Variants in MSN observed in about 807,000 individuals in gnomAD.
The protein encoded by MSN is moesin, also known as epididymis luminal protein 70.
A neutral mutation model predicts 48.0 loss-of-function variants in MSN; 2 were observed. The observed-to-expected ratio is 0.04, with a 90% CI of 0.02 to 0.13. The LOEUF is 0.13. Ranked by LOEUF, MSN falls within the 10% of genes least tolerant of loss-of-function variation. The pLI, the probability that MSN is intolerant of heterozygous loss-of-function variation, is 1.00. For missense variants in MSN, 267 were observed against 470.1 expected, an observed-to-expected ratio of 0.57 and a Z score of 3.99; for synonymous variants, 146 against 166.9, an observed-to-expected ratio of 0.87 and a Z score of 0.97.
At chrX:65,590,759 G>A (rs939712776) in intron 1 of MSN, among the ~76,000 whole-genome samples, 2 of 110,324 alleles carry the variant, frequency 1.8e-5, no homozygotes, top group African/African-American at 6.6e-5. Flanking sequence ...AGTCCAGCTG[G>A]ATTACTTCTC....
intron 2 of MSN, among the ~76,000 whole-genome samples, chrX:65,725,501 A>G (rs912554217): frequency 6.4e-5 from 7 of 109,153 alleles, no homozygotes; most frequent in Non-Finnish European, 1.3e-4. Flanking sequence ...TTCTTCTGCA[A>G]CCCTGTGGAA....
chrX:65,709,519 C>T (rs1278531174), intron 1 of MSN, among the ~76,000 whole-genome samples: 1 of 112,175 alleles, frequency 8.9e-6, no homozygotes, highest in East Asian at 2.8e-4. Context: ...TTAGTAGAGC[C>T]CTTTTACCAG....
intron 1 of MSN, among the ~76,000 whole-genome samples, chrX:65,632,367 C>T (rs1162699858): frequency 8.9e-6 from 1 of 112,103 alleles, no homozygotes; most frequent in Non-Finnish European, 1.9e-5. Flanking sequence ...ACTTTCGAGC[C>T]TCCAGAAAAC....
chrX:65,722,509 G>A lies in MSN; in HGVS notation c.97-5305G>A, dbSNP rs150865515. On this transcript the variant is annotated intron_variant, in intron 2 of 12. Transcript: ENST00000360270. Reference sequence around the variant, plus strand: ...GTGGTGTGATCTCACTGCAACCTTCGCACCCCACAGTCTCAAGTGATCCTC... The same window carrying A: ...GTGGTGTGATCTCACTGCAACCTTCACACCCCACAGTCTCAAGTGATCCTC... Among the ~76,000 whole-genome samples the A allele has an allele frequency of 9.3e-4, 101 of 108,502 alleles. 1 individual carries two copies. In the East Asian group the frequency reaches 0.021, roughly 23 times the overall value. 94.2% of individuals were successfully genotyped at this position (108,502 alleles called of 115,157 possible). A position where few individuals can be genotyped will look rare whatever the true frequency, so the allele number is the denominator to read the frequency against.
chrX:65,708,835 A>G (rs1247632179), intron 1 of MSN, among the ~76,000 whole-genome samples: 1 of 110,303 alleles, frequency 9.1e-6, no homozygotes, highest in Non-Finnish European at 1.9e-5. Context: ...GGCACACGCC[A>G]TCACACCTGG....
intron 1 of MSN, among the ~76,000 whole-genome samples, chrX:65,646,023 T>A (rs181560610): frequency 6.9e-4 from 77 of 112,242 alleles, no homozygotes; most frequent in African/African-American, 2.5e-3. Flanking sequence ...TCAATTTGTA[T>A]AATGCAAATA....
upstream of MSN, among the ~76,000 whole-genome samples, chrX:65,665,951 C>T (rs1272977093): frequency 8.9e-6 from 1 of 112,001 alleles, no homozygotes; most frequent in African/African-American, 3.2e-5. Flanking sequence ...CACATGGTTG[C>T]CAGTGGAGAG....
intron 1 of MSN, among the ~76,000 whole-genome samples, chrX:65,632,690 C>A (rs1343305218): frequency 1.8e-5 from 2 of 111,420 alleles, no homozygotes; most frequent in Non-Finnish European, 3.8e-5. Context: ...ATGACTTGGG[C>A]ATATAGTACC....
intron 1 of MSN, among the ~76,000 whole-genome samples, chrX:65,658,253 T>A (rs1026130326): frequency 3.0e-4 from 33 of 111,567 alleles, no homozygotes; most frequent in African/African-American, 9.5e-4. Flanking sequence ...TTTATTCTCT[T>A]TTTTGTGTAA....
intron 6 of MSN, 82 bp downstream of exon 6, chrX:65,732,066 T>G: frequency 9.8e-7 from 1 of 1,023,191 alleles, no homozygotes; most frequent in Non-Finnish European, 1.3e-6. Context: ...GGGCCATATC[T>G]CTTGGGTCCC....
At chrX:65,611,809 G>A (rs898498683) in intron 1 of MSN, among the ~76,000 whole-genome samples, 1 of 110,982 alleles carries the variant, frequency 9.0e-6, no homozygotes, top group African/African-American at 3.3e-5. Flanking sequence ...CAAAGTGCCT[G>A]TACCATTTAA....
At chrX:65,668,197 G>T (rs1202495283) in intron 1 of MSN, among the ~76,000 whole-genome samples, 1 of 112,768 alleles carries the variant, frequency 8.9e-6, no homozygotes, top group Admixed American at 9.3e-5. Context: ...TTCTGGTCCA[G>T]AAGACAACAC....
chrX:65,629,069 C>CAA (rs1246130053), intron 1 of MSN, among the ~76,000 whole-genome samples: 2 of 70,556 alleles, frequency 2.8e-5, no homozygotes. Flanking sequence ...GACTCCATCT[C>CAA]AAAAAAAAAA....
Position 65,741,626 on chromosome X carries a change from A to G in MSN, c.*1733A>G, listed in dbSNP as rs1196013690. ...GTGCCCCTAGCTTAGAGCCTCCCTC[A>G]ATTCCCCCTGGCCACCACCCCCCAC... On this transcript the variant is annotated 3_prime_UTR_variant, in exon 13 of 13. Coordinates refer to ENST00000360270, the MANE Select transcript of MSN (RefSeq NM_002444.3). The G allele has an allele frequency of 5.9e-6, 1 of 168,769 alleles. No individual in the cohort carries two copies. Among genetic ancestry groups the G allele is most frequent in the Non-Finnish European group, 1.1e-5 (1 of 88,518 alleles). 13.9% of individuals were successfully genotyped at this position (168,769 alleles called of 1,213,427 possible).
At chrX:65,615,697 C>CAA (rs2070364166) in intron 1 of MSN, among the ~76,000 whole-genome samples, 1 of 107,735 alleles carries the variant, frequency 9.3e-6, no homozygotes, top group African/African-American at 3.4e-5. Context: ...TGTGCAGAAG[C>CAA]TCTTTAGTTT....
At chrX:65,652,557 C>T (rs935356821) in intron 1 of MSN, among the ~76,000 whole-genome samples, 1 of 111,727 alleles carries the variant, frequency 9.0e-6, no homozygotes. Flanking sequence ...GGTCTGCTCT[C>T]AGCAGAGAGA....
At chrX:65,592,816 G>A (rs753878496) in intron 1 of MSN, among the ~76,000 whole-genome samples, 111 of 110,623 alleles carry the variant, frequency 1.0e-3, no homozygotes, top group African/African-American at 3.6e-3. Context: ...CAAGGTGGGC[G>A]GATCACTTGA....
intron 1 of MSN, among the ~76,000 whole-genome samples, chrX:65,600,413 C>A (rs2070225309): frequency 8.9e-6 from 1 of 111,884 alleles, no homozygotes; most frequent in Non-Finnish European, 1.9e-5. Flanking sequence ...AAAGGAATGA[C>A]TTCACATTGC....
chrX:65,655,755 T>C, intron 1 of MSN, among the ~76,000 whole-genome samples: 1 of 112,240 alleles, frequency 8.9e-6, no homozygotes, highest in Non-Finnish European at 1.9e-5. Flanking sequence ...TGTGGTTTTT[T>C]TGTTTTATTT....
Sources: gnomAD v4.1 joint callset for allele counts (sites outside exome capture counted in the v4.1 genomes callset) on GRCh38, gnomAD v4.1.1 for gene constraint, MANE v1.5 for transcripts, NCBI Gene and HGNC (gene_info 2026-07-23, HGNC 2026-07-21) for gene names.